WNK1: variants seen among roughly 807,000 people sequenced by gnomAD.
WNK1 encodes serine/threonine-protein kinase WNK1.
In WNK1, 38 loss-of-function variants were observed where a neutral mutation model predicts 222.8. The ratio of observed to expected loss-of-function variants is 0.17; its 90% CI spans 0.13 to 0.22. WNK1 has a LOEUF of 0.22. Ranked by LOEUF, WNK1 falls within the 10% of genes least tolerant of loss-of-function variation. The pLI, the probability that WNK1 is intolerant of heterozygous loss-of-function variation, is 1.00. For missense variants in WNK1, 2,348 were observed against 2,918.4 expected (o/e 0.80, Z 4.50); for synonymous variants, 1,090 against 1,092.9 (o/e 1.00, Z 0.05).
At chr12:790,399 A>G (rs1270938126) in intron 1 of WNK1, among the ~76,000 whole-genome samples, 3 of 152,144 alleles carry the variant, frequency 2.0e-5, no homozygotes, top group African/African-American at 7.2e-5. Context: ...TCACCGTGCC[A>G]CATCTGGAGA....
chr12:864,110 GTT>G (rs372936466), intron 8 of WNK1, among the ~76,000 whole-genome samples: 6 of 124,550 alleles, frequency 4.8e-5, no homozygotes, highest in Admixed American at 1.6e-4. Context: ...ATTTTTTTAA[GTT>G]TTTTTTTTTT....
intron 1 of WNK1, among the ~76,000 whole-genome samples, chr12:804,293 T>G (rs1015209136): frequency 6.6e-6 from 1 of 152,228 alleles, no homozygotes; most frequent in Non-Finnish European, 1.5e-5. Context: ...TAACATAAAT[T>G]TACCATTGTA....
chr12:804,280 A>G (rs553321666), intron 1 of WNK1, among the ~76,000 whole-genome samples: 1 of 152,350 alleles, frequency 6.6e-6, no homozygotes, highest in African/African-American at 2.4e-5. Flanking sequence ...AGTGAAATAT[A>G]CATAACATAA....
chr12:887,321 CAAATT>C lies in WNK1; in HGVS notation c.5364+18_5364+22del. The C allele has an allele frequency of 6.2e-7, 1 of 1,613,486 alleles. No individual in the cohort carries two copies. The highest frequency in any genetic ancestry group is 8.5e-7 in the Non-Finnish European group (1 of 1,179,376). On this transcript the variant is annotated intron_variant, in intron 20 of 27. Transcript: ENST00000315939. ...CTAACCCAGGTGCCTCAAGACTTGA[CAAATT>C]TCTTCCTGTGCCCTACTTTCTTTGA...
intron 13 of WNK1, 24 bp from the exon 14 acceptor site, chr12:881,887 T>A (rs1277820518): frequency 3.1e-6 from 5 of 1,614,084 alleles, no homozygotes; most frequent in Non-Finnish European, 3.4e-6. Flanking sequence ...AAACTGCACT[T>A]TTTTTTCTTT....
intron 1 of WNK1, among the ~76,000 whole-genome samples, chr12:759,362 ACT>A (rs1450896635): frequency 6.8e-6 from 1 of 146,626 alleles, no homozygotes; most frequent in Non-Finnish European, 1.5e-5. Flanking sequence ...ACAGAGTCTC[ACT>A]CTGTCGCCCA....
Position 909,348 on chromosome 12 carries a change from A to G in WNK1, c.*556A>G, listed in dbSNP as rs1455866257. On this transcript the variant is annotated 3_prime_UTR_variant, in exon 28 of 28. Transcript: ENST00000315939. ...CTGGGGTGCAACTCTTTCTTATGAT[A>G]GGTCATTAGTGCTTTAAGCAAAAGA... 1 of 154,376 alleles carries G rather than the reference A, an allele frequency of 6.5e-6. No individual in the cohort carries two copies. The highest frequency in any genetic ancestry group is 2.4e-5 in the African/African-American group (1 of 41,364). 9.6% of individuals were successfully genotyped at this position (154,376 alleles called of 1,614,324 possible). A position where few individuals can be genotyped will look rare whatever the true frequency, so the allele number is the denominator to read the frequency against.
chr12:881,665 G>A (rs778430900), intron 12 of WNK1, 27 bp from the exon 13 acceptor site: 332 of 1,570,684 alleles, frequency 2.1e-4, no homozygotes, highest in Non-Finnish European at 2.8e-4. Context: ...TTACTACCGA[G>A]ATTTGAGTTA....
Position 883,513 on chromosome 12 carries a change from A to G in WNK1, c.3608A>G (p.Asp1203Gly), listed in dbSNP as rs1205732954. ...SEDVSVEPEGDQGLESLQGKD... is the reference protein window; with the variant it reads ...SEDVSVEPEGGQGLESLQGKD... ...GATGTCAGTGTGGAACCAGAGGGTG[A>G]TCAGGGATTGGAGAGTCTACAAGGA... Residue 1203 changes from aspartate to glycine, a missense_variant, in exon 16 of 28, where the codon GAT becomes GGT. Around this residue, in one of 13 missense-constraint regions of WNK1, gnomAD observed 1,144 missense variants for 1,273.6 expected, o/e 0.90. Coordinates refer to ENST00000315939, the MANE Select transcript of WNK1 (RefSeq NM_018979.4). 6.2e-7 allele frequency: 1 copy of G among 1,612,650 alleles called. No homozygotes were observed. The highest frequency in any genetic ancestry group is 8.5e-7 in the Non-Finnish European group (1 of 1,179,202).
At chr12:814,149 T>C (rs1947137009) in intron 2 of WNK1, among the ~76,000 whole-genome samples, 1 of 149,106 alleles carries the variant, frequency 6.7e-6, no homozygotes, top group African/African-American at 2.6e-5. Flanking sequence ...GCCAACGTGG[T>C]GAAACCCCGT....
At chr12:829,924 A>G (rs1008674714) in intron 3 of WNK1, 79 bp from the exon 4 acceptor site, 15 of 1,503,550 alleles carry the variant, frequency 1.0e-5, no homozygotes, top group East Asian at 4.5e-5. Context: ...TCACAGGTCA[A>G]CCCCTCTGCT....
At chr12:907,049 G>A (rs1245599269) in intron 26 of WNK1, among the ~76,000 whole-genome samples, 3 of 19,440 alleles carry the variant, frequency 1.5e-4, no homozygotes. Flanking sequence ...GCCGGGCGTG[G>A]TGGCTCACGT....
At chr12:811,188 G>A (rs1471621806) in intron 1 of WNK1, among the ~76,000 whole-genome samples, 1 of 151,894 alleles carries the variant, frequency 6.6e-6, no homozygotes, top group Non-Finnish European at 1.5e-5. Context: ...TTTTTGATAC[G>A]GTCTTTTAAA....
chr12:887,114 AT>A, intron 19 of WNK1, 106 bp from the exon 20 acceptor site: 1 of 1,002,918 alleles, frequency 1.0e-6, no homozygotes, highest in Non-Finnish European at 1.6e-6. Flanking sequence ...TTAACTATAT[AT>A]ATTTTATTCT....
At chr12:851,480 G>A (rs1950415861) in intron 4 of WNK1, 4 of 1,148,430 alleles carry the variant, frequency 3.5e-6, no homozygotes, top group Non-Finnish European at 4.3e-6. Context: ...CCTGCTGTTG[G>A]GCATGCAGTT....
At position 753,969 on chromosome 12, in the gene WNK1, A is replaced by G. The variant is rs750301176; in HGVS notation, c.404A>G (p.Gln135Arg). Residue 135 changes from glutamine (Q) to arginine (R), a missense_variant, in exon 1 of 28, where the codon CAG (glutamine) becomes CGG (arginine). By Grantham distance (43) the Gln-to-Arg change is conservative (BLOSUM62 1). Coordinates refer to ENST00000315939, the MANE Select transcript of WNK1 (RefSeq NM_018979.4). The surrounding 1 kb of genome is among the most constrained non-coding windows in gnomAD (Gnocchi z 5.2). ...VTATATSQVA[Q>R]QPPAAAAPGE... ...GCCACCGCCACTTCCCAGGTAGCCC[A>G]GCAGCCTCCAGCCGCTGCCGCCCCT... The G allele has an allele frequency of 1.4e-5, 22 of 1,596,578 alleles. No individual in the cohort carries two copies. Among genetic ancestry groups the G allele is most frequent in the Non-Finnish European group, 1.7e-5 (20 of 1,172,702 alleles).
intron 26 of WNK1, among the ~76,000 whole-genome samples, chr12:905,337 G>A (rs1565619315): frequency 6.6e-6 from 1 of 152,172 alleles, no homozygotes; most frequent in Non-Finnish European, 1.5e-5. Flanking sequence ...AGGTTTAGCT[G>A]TATGGTTGAC....
chr12:891,521 A>G (rs961176833), intron 22 of WNK1, among the ~76,000 whole-genome samples: 1 of 152,168 alleles, frequency 6.6e-6, no homozygotes, highest in Non-Finnish European at 1.5e-5. Flanking sequence ...TAGCCTAGAC[A>G]TAAGTAAAGT....
chr12:837,081 G>A (rs1343616905), intron 4 of WNK1, among the ~76,000 whole-genome samples: 2 of 152,184 alleles, frequency 1.3e-5, no homozygotes, highest in Admixed American at 6.5e-5. Context: ...AGCAATGAAC[G>A]ATTCGTGAAT....
Sources: gnomAD v4.1 joint callset for allele counts (sites outside exome capture counted in the v4.1 genomes callset) on GRCh38, gnomAD v4.1.1 for gene constraint, gnomAD v4.1.1 regional missense constraint, Gnocchi (gnomAD v3.1) non-coding constraint, MANE v1.5 for transcripts, NCBI Gene and HGNC (gene_info 2026-07-23, HGNC 2026-07-21) for gene names.